Variants in IMMP2L observed in about 807,000 individuals in gnomAD.
IMMP2L encodes inner mitochondrial membrane peptidase subunit 2.
IMMP2L carries 18 observed loss-of-function variants against 19.3 expected under a neutral mutation model. The observed-to-expected ratio is 0.93, with a 90% CI of 0.64 to 1.38. IMMP2L has a LOEUF of 1.38. Among genes scored for constraint, IMMP2L ranks in the 40% most tolerant of loss-of-function variants. IMMP2L has a pLI of 0.00. For synonymous variants in IMMP2L, 76 were observed against 73.0 expected, an observed-to-expected ratio of 1.04 and a Z score of -0.21; for missense variants, 233 against 218.2, an observed-to-expected ratio of 1.07 and a Z score of -0.43.
chr7:110,959,473 T>C (rs1818709799), intron 4 of IMMP2L, among the ~76,000 whole-genome samples: 1 of 151,940 alleles, frequency 6.6e-6, no homozygotes. Flanking sequence ...ATTCCCTACA[T>C]ACCCCTTAAC....
intron 3 of IMMP2L, among the ~76,000 whole-genome samples, chr7:111,486,588 T>A (rs1842673109): frequency 6.6e-6 from 1 of 151,988 alleles, no homozygotes; most frequent in Non-Finnish European, 1.5e-5. Context: ...AAATTTACTT[T>A]TAAAGCAAAC....
chr7:111,335,581 A>G (rs1826318660), intron 3 of IMMP2L, among the ~76,000 whole-genome samples: 1 of 152,156 alleles, frequency 6.6e-6, no homozygotes, highest in African/African-American at 2.4e-5. Context: ...AAGTTTATTG[A>G]AATGCTGTTT....
chr7:111,037,362 A>G (rs759997173), intron 3 of IMMP2L, among the ~76,000 whole-genome samples: 2 of 152,178 alleles, frequency 1.3e-5, no homozygotes, highest in Non-Finnish European at 2.9e-5. Flanking sequence ...AAATCAGAGG[A>G]GAAACAGTGG....
chr7:110,957,290 CTG>C (rs1818448625), intron 4 of IMMP2L, among the ~76,000 whole-genome samples: 1 of 151,912 alleles, frequency 6.6e-6, no homozygotes, highest in Non-Finnish European at 1.5e-5. Context: ...ATCTAAATGA[CTG>C]TGACTATAAA....
At chr7:111,318,866 G>C (rs1311678285) in intron 3 of IMMP2L, among the ~76,000 whole-genome samples, 1 of 152,048 alleles carries the variant, frequency 6.6e-6, no homozygotes, top group Non-Finnish European at 1.5e-5. Flanking sequence ...CTAATATACT[G>C]TCTATTCATC....
intron 3 of IMMP2L, among the ~76,000 whole-genome samples, chr7:111,158,675 T>C (rs1374032387): frequency 6.6e-6 from 1 of 152,142 alleles, no homozygotes; most frequent in Non-Finnish European, 1.5e-5. Context: ...GCATATACGT[T>C]TTTTCAAAGA....
At chr7:111,539,042 C>A (rs1240422462) in intron 1 of IMMP2L, among the ~76,000 whole-genome samples, 1 of 149,448 alleles carries the variant, frequency 6.7e-6, no homozygotes, top group Non-Finnish European at 1.5e-5. Flanking sequence ...ATTGCTTGAA[C>A]CTGAGAGACG....
At chr7:111,414,299 A>C (rs1267507169) in intron 3 of IMMP2L, among the ~76,000 whole-genome samples, 6 of 151,890 alleles carry the variant, frequency 4.0e-5, no homozygotes, top group Non-Finnish European at 7.4e-5. Context: ...TGAATCAACA[A>C]ACTAGGGTGC....
At chr7:110,772,998 A>T (rs1799138557) in intron 5 of IMMP2L, among the ~76,000 whole-genome samples, 1 of 151,974 alleles carries the variant, frequency 6.6e-6, no homozygotes. Context: ...CCCTTAAAAT[A>T]ATTACAAACA....
chr7:110,942,546 T>G (rs1395623482), intron 4 of IMMP2L, among the ~76,000 whole-genome samples: 1 of 151,852 alleles, frequency 6.6e-6, no homozygotes, highest in Non-Finnish European at 1.5e-5. Context: ...TCTCAAAATA[T>G]GATCCTTCTG....
chr7:110,882,385 C>T (rs550630732), intron 5 of IMMP2L, among the ~76,000 whole-genome samples: 42 of 148,808 alleles, frequency 2.8e-4, no homozygotes, highest in Non-Finnish European at 5.3e-4. Context: ...CCCTCTCTCT[C>T]TCTCTTTCTT....
At chr7:110,994,181 T>C (rs1286989389) in intron 3 of IMMP2L, among the ~76,000 whole-genome samples, 3 of 152,014 alleles carry the variant, frequency 2.0e-5, no homozygotes, top group East Asian at 1.9e-4. Flanking sequence ...TGGCTTTCTA[T>C]TGACAAACCC....
chr7:111,389,914 T>C, intron 3 of IMMP2L, among the ~76,000 whole-genome samples: 1 of 152,176 alleles, frequency 6.6e-6, no homozygotes, highest in East Asian at 1.9e-4. Flanking sequence ...AAAAGGTGTC[T>C]TGAACGTGTC....
chr7:111,319,271 T>C (rs150725786), intron 3 of IMMP2L, among the ~76,000 whole-genome samples: 4 of 152,132 alleles, frequency 2.6e-5, no homozygotes, highest in Admixed American at 6.6e-5. Flanking sequence ...ATGTTCTATA[T>C]AGCTTAAAGA....
chr7:110,731,909 CTT>C (rs979846844), intron 5 of IMMP2L, among the ~76,000 whole-genome samples: 1 of 152,312 alleles, frequency 6.6e-6, no homozygotes, highest in Admixed American at 6.5e-5. Context: ...AAAGTAGTCT[CTT>C]TGTAGAGTTC....
chr7:110,877,473 T>A lies in IMMP2L; in HGVS notation c.408+9120A>T, dbSNP rs957875425. Reference sequence around the variant, plus strand: ...CAGATTAAGGTGGGCAGGCACAAGATAATGAAAGGGAGAAAAAAATGACAG... The same window carrying A: ...CAGATTAAGGTGGGCAGGCACAAGAAAATGAAAGGGAGAAAAAAATGACAG... On this transcript the variant is annotated intron_variant, in intron 5 of 5. Coordinates refer to ENST00000405709, the MANE Select transcript of IMMP2L (RefSeq NM_032549.4). The surrounding 1 kb of genome is among the most constrained non-coding windows in gnomAD (Gnocchi z 4.0). Among the ~76,000 whole-genome samples, 1 of 151,946 alleles carries A rather than the reference T, an allele frequency of 6.6e-6. No individual in the cohort carries two copies. The highest frequency in any genetic ancestry group is 1.5e-5 in the Non-Finnish European group (1 of 67,998).
At chr7:110,737,417 C>A (rs1291318562) in intron 5 of IMMP2L, among the ~76,000 whole-genome samples, 1 of 152,164 alleles carries the variant, frequency 6.6e-6, no homozygotes, top group Non-Finnish European at 1.5e-5. Context: ...CTTTCCTCCA[C>A]TTCCCTGGCA....
At chr7:110,986,320 C>A (rs966039452) in intron 3 of IMMP2L, among the ~76,000 whole-genome samples, 3 of 152,160 alleles carry the variant, frequency 2.0e-5, no homozygotes, top group Admixed American at 6.6e-5. Flanking sequence ...CCCTCCTCAC[C>A]TAGGGTGTTG....
chr7:111,199,198 G>A (rs779991951), intron 3 of IMMP2L, among the ~76,000 whole-genome samples: 4 of 151,838 alleles, frequency 2.6e-5, no homozygotes, highest in East Asian at 1.9e-4. Context: ...CCTCATTTCC[G>A]AATAAATAAA....
Sources: gnomAD v4.1 joint callset for allele counts (sites outside exome capture counted in the v4.1 genomes callset) on GRCh38, gnomAD v4.1.1 for gene constraint, Gnocchi (gnomAD v3.1) non-coding constraint, MANE v1.5 for transcripts, NCBI Gene and HGNC (gene_info 2026-07-23, HGNC 2026-07-21) for gene names.